The following GAN variants were observed in gnomAD, a reference collection of about 807,000 sequenced individuals.
The protein encoded by GAN is epididymis secretory sperm binding protein.
In GAN, 48 loss-of-function variants were observed where a neutral mutation model predicts 71.3. That is an observed-to-expected ratio of 0.67 (90% confidence interval 0.53 to 0.86). The LOEUF is 0.86. Ranked by LOEUF, GAN falls within the 40% of genes least tolerant of loss-of-function variation. GAN has a pLI of 0.00. For synonymous variants in GAN, 386 were observed against 276.8 expected, an observed-to-expected ratio of 1.39 and a Z score of -3.92; for missense variants, 928 against 770.1, an observed-to-expected ratio of 1.21 and a Z score of -2.43.
intron 9 of GAN, among the ~76,000 whole-genome samples, chr16:81,367,736 G>A (rs1455116661): frequency 2.6e-5 from 4 of 152,148 alleles, no homozygotes; most frequent in Admixed American, 2.0e-4. Flanking sequence ...GCGCATGTAG[G>A]TACTGTTACT....
Position 81,342,948 on chromosome 16 carries a change from C to T in GAN, c.168-8635C>T, listed in dbSNP as rs553964596. On this transcript the variant is annotated intron_variant, in intron 1 of 10. Coordinates refer to ENST00000648994, the MANE Select transcript of GAN (RefSeq NM_022041.4). ...GAATAAAAAATGATAAAGGGGATAT[C>T]ACCACCGATCCCAAAGAAATACAAA... Among the ~76,000 whole-genome samples the T allele has an allele frequency of 2.0e-5, 3 of 152,216 alleles. No individual in the cohort carries two copies. The East Asian group carries it at 5.8e-4, about 29-fold the overall frequency.
chr16:81,315,295 A>G lies in GAN; in HGVS notation c.167+15A>G. The G allele has an allele frequency of 1.4e-6, 2 of 1,457,414 alleles. No individual in the cohort carries two copies. Among genetic ancestry groups the G allele is most frequent in the Non-Finnish European group, 1.8e-6 (2 of 1,092,126 alleles). 90.3% of individuals were successfully genotyped at this position (1,457,414 alleles called of 1,614,324 possible). The stretch of plus-strand genomic sequence containing the variant: ...CCGTACATCAGGTGGGGAGGGGGCT[A>G]CGGCGGGCGGGCGCGGCGGTGCTGC... On this transcript the variant is annotated intron_variant, in intron 1 of 10. Transcript: ENST00000648994.
At chr16:81,319,206 T>TTATATATATATATATATATA (rs57681055) in intron 1 of GAN, among the ~76,000 whole-genome samples, 152 of 138,762 alleles carry the variant, frequency 1.1e-3, no homozygotes, top group South Asian at 4.0e-3. Flanking sequence ...TAGATATAGA[T>TTATATATATATATATATATA]TATATATATA....
chr16:81,377,323 A>T lies in GAN; in HGVS notation c.1607A>T (p.Asp536Val). 1 of 1,590,330 alleles carries T rather than the reference A, an allele frequency of 6.3e-7. No homozygotes were observed. Among genetic ancestry groups the T allele is most frequent in the Non-Finnish European group, 8.6e-7 (1 of 1,158,354 alleles). Residue 536 changes from aspartate (D) to valine (V), a missense_variant, in exon 10 of 11, where the codon GAT becomes GTT. Transcript: ENST00000648994. ...AGTATTTATGTTATTGGAGATCTTG[A>T]TACAGGTAAGAGTGTTACAGTGATT... is the stretch of plus-strand genomic sequence containing the variant. ...GASIYVIGDLDTGTNYDYVRE... is the reference protein window; with the variant it reads ...GASIYVIGDLVTGTNYDYVRE...
intron 1 of GAN, among the ~76,000 whole-genome samples, chr16:81,319,413 C>A (rs1269410424): frequency 6.6e-6 from 1 of 151,870 alleles, no homozygotes; most frequent in Non-Finnish European, 1.5e-5. Flanking sequence ...CTGGCACAGT[C>A]CCATTGATCT....
In GAN at chr16:81,382,523, A is replaced by G. The variant is rs1904310653; in HGVS notation, c.*4927A>G. ...AGCTTCATGTATACTTCCCTCTCTT[A>G]TTCCATGTAATTAGTAAGGGAAAAT... On this transcript the variant is annotated 3_prime_UTR_variant, in exon 11 of 11. Transcript: ENST00000648994. 6.6e-6 allele frequency: 1 copy of G among 152,210 alleles called. No homozygotes were observed. Among genetic ancestry groups the G allele is most frequent in the African/African-American group, 2.4e-5 (1 of 41,446 alleles). 9.4% of individuals were successfully genotyped at this position (152,210 alleles called of 1,614,324 possible).
intron 9 of GAN, among the ~76,000 whole-genome samples, chr16:81,376,662 GTGTGTATATACATA>G (rs1284666713): frequency 1.1e-5 from 1 of 87,398 alleles, no homozygotes; most frequent in African/African-American, 4.9e-5. Flanking sequence ...GTGTATATAT[GTGTGTATATACATA>G]TGTGTATATG....
At chr16:81,319,368 G>A (rs922814387) in intron 1 of GAN, among the ~76,000 whole-genome samples, 1 of 151,928 alleles carries the variant, frequency 6.6e-6, no homozygotes, top group East Asian at 1.9e-4. Context: ...GAATATTACA[G>A]TTTGGTCTGC....
chr16:81,337,105 G>A (rs550349917), intron 1 of GAN, among the ~76,000 whole-genome samples: 91 of 152,190 alleles, frequency 6.0e-4, no homozygotes, highest in African/African-American at 2.0e-3. Context: ...TTTTTGATGT[G>A]CTTTCAGGAG....
rs1910819905 is a variant in GAN at position 81,365,394 on chromosome 16, T to C, written c.1418T>C (p.Phe473Ser). 3 of 1,613,700 alleles carry C rather than the reference T, an allele frequency of 1.9e-6. No individual in the cohort carries two copies. The highest frequency in any genetic ancestry group is 1.1e-5 in the South Asian group (1 of 91,030). Residue 473 changes from phenylalanine (F) to serine (S), a missense_variant, in exon 9 of 11, where the codon TTT (phenylalanine) becomes TCT (serine). By Grantham distance (155) the Phe-to-Ser change is radical. Coordinates refer to ENST00000648994, the MANE Select transcript of GAN (RefSeq NM_022041.4). ...ACGVAMELYV[F>S]GGVRSREDAQ... is the part of the protein sequence containing the mutation. ...GGAGTTGCTATGGAGCTGTATGTGTTTGGGGGAGTCCGAAGTCGTGAGGAC... is the reference window on the plus strand; with the variant it reads ...GGAGTTGCTATGGAGCTGTATGTGTCTGGGGGAGTCCGAAGTCGTGAGGAC...
chr16:81,374,477 C>T (rs1050642402), intron 9 of GAN, among the ~76,000 whole-genome samples: 1 of 152,096 alleles, frequency 6.6e-6, no homozygotes, highest in Non-Finnish European at 1.5e-5. Flanking sequence ...ATTTTGTTCC[C>T]GTCATTCCTT....
chr16:81,321,665 G>T (rs1445180852), intron 1 of GAN, among the ~76,000 whole-genome samples: 2 of 152,182 alleles, frequency 1.3e-5, no homozygotes, highest in African/African-American at 4.8e-5. Flanking sequence ...ACAAATAAGG[G>T]TTCATTTGGT....
Position 81,360,787 on chromosome 16 carries a change from G to GA in GAN, c.974-1705dup, listed in dbSNP as rs1211566617. ...GACTTTATTCTTCATCACCCAACTT[G>GA]AAAAAAATCATCTTTCTGGTTACTA... On this transcript the variant is annotated intron_variant, in intron 5 of 10. Coordinates refer to ENST00000648994, the MANE Select transcript of GAN (RefSeq NM_022041.4). Among the ~76,000 whole-genome samples, 3 of 151,752 alleles carry GA rather than the reference G, an allele frequency of 2.0e-5. No homozygotes were observed. The East Asian group carries it at 5.8e-4, about 29-fold the overall frequency.
intron 1 of GAN, among the ~76,000 whole-genome samples, chr16:81,323,222 G>T (rs1909275714): frequency 6.6e-6 from 1 of 152,104 alleles, no homozygotes; most frequent in African/African-American, 2.4e-5. Context: ...TTTTTGGTGG[G>T]TTTGTTTGTT....
At chr16:81,365,614 ATATT>A (rs1910829975) in intron 9 of GAN, 136 bp downstream of exon 9, 1 of 845,212 alleles carries the variant, frequency 1.2e-6, no homozygotes, top group South Asian at 1.4e-5. Context: ...TGCATACTAG[ATATT>A]TATTCAGTGA....
At chr16:81,347,385 T>C (rs932983304) in intron 1 of GAN, among the ~76,000 whole-genome samples, 3 of 152,242 alleles carry the variant, frequency 2.0e-5, no homozygotes, top group Non-Finnish European at 2.9e-5. Context: ...CCTTCTACTG[T>C]CACCAGAATG....
Position 81,315,295 on chromosome 16 carries a change from ACGGCGGGCGGGCG to A in GAN, c.167+22_167+34del. The A allele has an allele frequency of 6.9e-7, 1 of 1,457,414 alleles. No homozygotes were observed. Among genetic ancestry groups the A allele is most frequent in the Non-Finnish European group, 9.2e-7 (1 of 1,092,126 alleles). The allele number at this position is 1,457,414 out of a possible 1,614,324, so 90.3% of individuals were successfully genotyped here. A position where few individuals can be genotyped will look rare whatever the true frequency, so the allele number is the denominator to read the frequency against. The stretch of plus-strand genomic sequence containing the variant: ...CCGTACATCAGGTGGGGAGGGGGCT[ACGGCGGGCGGGCG>A]CGGCGGTGCTGCCCGGAGCCGGAGG... On this transcript the variant is annotated intron_variant, in intron 1 of 10. Coordinates refer to ENST00000648994, the MANE Select transcript of GAN (RefSeq NM_022041.4).
intron 9 of GAN, among the ~76,000 whole-genome samples, chr16:81,373,516 A>G (rs1904274423): frequency 6.6e-6 from 1 of 152,260 alleles, no homozygotes; most frequent in Non-Finnish European, 1.5e-5. Context: ...TCCCATTTCC[A>G]TAAGCCATTC....
intron 5 of GAN, among the ~76,000 whole-genome samples, chr16:81,359,397 G>C (rs11862082): frequency 0.02 from 2,979 of 146,042 alleles, 45 homozygotes; most frequent in East Asian, 0.071. Context: ...GTTTGTCCAG[G>C]CTGCATTGTT....
Sources: allele counts gnomAD v4.1 joint callset (sites outside exome capture counted in the v4.1 genomes callset), GRCh38; gene constraint gnomAD v4.1.1; transcripts MANE v1.5; gene names NCBI Gene and HGNC (gene_info 2026-07-23, HGNC 2026-07-21).